The following ELAVL4 variants were observed in gnomAD, a reference collection of about 807,000 sequenced individuals.
ELAVL4 encodes ELAV-like protein 4.
In ELAVL4, 1 loss-of-function variant was observed where a neutral mutation model predicts 35.6. The ratio of observed to expected loss-of-function variants is 0.03; its 90% CI spans 0.01 to 0.13. ELAVL4 has a LOEUF of 0.13. Among genes scored for constraint, ELAVL4 ranks in the 10% least tolerant of loss-of-function variants. The probability of loss-of-function intolerance (pLI) is 1.00; values close to 1 mark genes in which losing one functional copy is unlikely to be tolerated. For missense variants in ELAVL4, 267 were observed against 464.9 expected, an observed-to-expected ratio of 0.57 and a Z score of 3.91; for synonymous variants, 156 against 171.0, an observed-to-expected ratio of 0.91 and a Z score of 0.69.
intron 6 of ELAVL4, among the ~76,000 whole-genome samples, chr1:50,200,539 G>C (rs896011766): frequency 1.7e-4 from 26 of 152,098 alleles, no homozygotes; most frequent in Non-Finnish European, 3.8e-4. Flanking sequence ...AGTCAGGTTG[G>C]GGTGCGCTAT....
At chr1:50,101,168 A>T (rs1369692290), upstream of ELAVL4, among the ~76,000 whole-genome samples, 1 of 152,184 alleles carries the variant, frequency 6.6e-6, no homozygotes, top group Non-Finnish European at 1.5e-5. Context: ...AATGAGTGGG[A>T]CTATTGATCT....
chr1:50,152,556 C>T lies in ELAVL4; in HGVS notation c.250+7359C>T, dbSNP rs185262544. ...CACATTATCTAAAAATGTAATTCAT[C>T]AGCTTCAGGGTAGGAGGAAAGTGCT... On this transcript the variant is annotated intron_variant, in intron 2 of 6. Coordinates refer to ENST00000371824, the MANE Select transcript of ELAVL4 (RefSeq NM_001144774.3). Among the ~76,000 whole-genome samples the T allele has an allele frequency of 3.3e-5, 5 of 152,244 alleles. No homozygotes were observed. The East Asian group carries it at 9.7e-4, about 29-fold the overall frequency.
intron 5 of ELAVL4, among the ~76,000 whole-genome samples, chr1:50,196,814 T>C (rs1644089350): frequency 6.6e-6 from 1 of 152,220 alleles, no homozygotes; most frequent in African/African-American, 2.4e-5. Context: ...CCCTATGGTG[T>C]GAATAGCTTG....
chr1:50,078,106 T>TTG (rs56818675), intron 1 of ELAVL4, among the ~76,000 whole-genome samples: 8,130 of 144,984 alleles, frequency 0.056, 314 homozygotes, highest in African/African-American at 0.11. Context: ...AATATATACC[T>TTG]TGTGTGTGTG....
chr1:50,182,358 T>C lies in ELAVL4; in HGVS notation c.354+5166T>C, dbSNP rs556424993. Among the ~76,000 whole-genome samples the C allele has an allele frequency of 2.0e-4, 31 of 152,330 alleles. No homozygotes were observed. In the South Asian group the frequency reaches 3.7e-3, roughly 18 times the overall value. ...TTTGGTATCACACCCACTAAACCTTTCAGAGTGTTGGGACACCTGTTTGCG... is the reference window on the plus strand; with the variant it reads ...TTTGGTATCACACCCACTAAACCTTCCAGAGTGTTGGGACACCTGTTTGCG... On this transcript the variant is annotated intron_variant, in intron 3 of 6. Transcript: ENST00000371824.
intron 1 of ELAVL4, among the ~76,000 whole-genome samples, chr1:50,086,109 G>A (rs1665229491): frequency 1.3e-5 from 2 of 151,958 alleles, no homozygotes; most frequent in African/African-American, 4.8e-5. Flanking sequence ...TTTCCAGCTT[G>A]TCTTCCCTGA....
chr1:50,068,003 C>A (rs1269063559), intron 1 of ELAVL4, among the ~76,000 whole-genome samples: 1 of 152,112 alleles, frequency 6.6e-6, no homozygotes, highest in Non-Finnish European at 1.5e-5. Flanking sequence ...TCCCACAACA[C>A]GTGGGGATTA....
At chr1:50,182,789 A>G (rs767113711) in intron 3 of ELAVL4, among the ~76,000 whole-genome samples, 8 of 152,172 alleles carry the variant, frequency 5.3e-5, no homozygotes, top group Non-Finnish European at 1.0e-4. Context: ...TTTGGTATGT[A>G]CAGAATCATA....
At chr1:50,188,454 G>A (rs762569006) in intron 3 of ELAVL4, among the ~76,000 whole-genome samples, 3 of 152,200 alleles carry the variant, frequency 2.0e-5, no homozygotes, top group South Asian at 2.1e-4. Flanking sequence ...AACAAATGGC[G>A]TTGCTGTTTT....
At chr1:50,109,790 A>G (rs978935291) in intron 1 of ELAVL4, 1 of 838,518 alleles carries the variant, frequency 1.2e-6, no homozygotes, top group African/African-American at 1.7e-5. Context: ...AAAAAAGAGG[A>G]GGCGGCTTGT....
chr1:50,102,156 G>A (rs1373621214), upstream of ELAVL4, among the ~76,000 whole-genome samples: 2 of 151,868 alleles, frequency 1.3e-5, no homozygotes, highest in African/African-American at 4.8e-5. Flanking sequence ...GTGTGGTGGC[G>A]GGCACCAGTA....
chr1:50,166,586 G>GT (rs1677960047), intron 2 of ELAVL4, among the ~76,000 whole-genome samples: 2 of 152,150 alleles, frequency 1.3e-5, no homozygotes, highest in African/African-American at 4.8e-5. Flanking sequence ...GCAGGTCATG[G>GT]TTTTTTTCCT....
intron 1 of ELAVL4, among the ~76,000 whole-genome samples, chr1:50,131,021 A>C (rs895050713): frequency 1.3e-5 from 2 of 152,212 alleles, no homozygotes; most frequent in Non-Finnish European, 2.9e-5. Flanking sequence ...AGAATATATT[A>C]AGAGTTGCAA....
intron 1 of ELAVL4, among the ~76,000 whole-genome samples, chr1:50,048,718 C>G (rs937289839): frequency 3.9e-5 from 6 of 152,172 alleles, no homozygotes; most frequent in African/African-American, 1.4e-4. Context: ...CAGCACCCTC[C>G]CCTATCTTTC....
intron 1 of ELAVL4, among the ~76,000 whole-genome samples, chr1:50,143,357 TC>T (rs1392474414): frequency 6.6e-6 from 1 of 152,218 alleles, no homozygotes; most frequent in Non-Finnish European, 1.5e-5. Context: ...TGCCTTGGTT[TC>T]CTCATCTATA....
At chr1:50,068,320 TGA>T (rs1664361206) in intron 1 of ELAVL4, among the ~76,000 whole-genome samples, 1 of 151,654 alleles carries the variant, frequency 6.6e-6, no homozygotes, top group Non-Finnish European at 1.5e-5. Context: ...TGGCGGTGGG[TGA>T]GAGGGGGTAA....
At chr1:50,066,943 T>C (rs1343822493) in intron 1 of ELAVL4, among the ~76,000 whole-genome samples, 1 of 152,118 alleles carries the variant, frequency 6.6e-6, no homozygotes, top group African/African-American at 2.4e-5. Context: ...TGATGTAACA[T>C]GAAACCAAAT....
At position 50,201,688 on chromosome 1, in the gene ELAVL4, C is replaced by A. The variant is rs996567456; in HGVS notation, c.*510C>A. The A allele has an allele frequency of 2.6e-5, 4 of 151,626 alleles. No individual in the cohort carries two copies. Among genetic ancestry groups the A allele is most frequent in the African/African-American group, 9.7e-5 (4 of 41,330 alleles). The allele number at this position is 151,626 out of a possible 1,614,324, so 9.4% of individuals were successfully genotyped here. A position where few individuals can be genotyped will look rare whatever the true frequency, so the allele number is the denominator to read the frequency against. Reference sequence around the variant, plus strand: ...ATCGATCCAATCAGATTGGTAAAAACCCCCACACAAATTAAAGAGGAATAA... The same window carrying A: ...ATCGATCCAATCAGATTGGTAAAAAACCCCACACAAATTAAAGAGGAATAA... On this transcript the variant is annotated 3_prime_UTR_variant, in exon 7 of 7. Transcript: ENST00000371824. The surrounding 1 kb of genome is among the most constrained non-coding windows in gnomAD (Gnocchi z 4.3).
chr1:50,183,090 T>C (rs1681297907), intron 3 of ELAVL4, among the ~76,000 whole-genome samples: 2 of 152,154 alleles, frequency 1.3e-5, no homozygotes, highest in South Asian at 4.1e-4. Context: ...ACTCCTGACC[T>C]CAAGTGATCT....
Sources: gnomAD v4.1 joint callset for allele counts (sites outside exome capture counted in the v4.1 genomes callset) on GRCh38, gnomAD v4.1.1 for gene constraint, Gnocchi (gnomAD v3.1) non-coding constraint, MANE v1.5 for transcripts, NCBI Gene and HGNC (gene_info 2026-07-23, HGNC 2026-07-21) for gene names.